The following STRN variants were observed in gnomAD, a reference collection of about 807,000 sequenced individuals.
The protein encoded by STRN is striatin, also known as protein phosphatase 2 regulatory subunit B'''alpha.
STRN carries 53 observed loss-of-function variants against 96.3 expected under a neutral mutation model. The ratio of observed to expected loss-of-function variants is 0.55; its 90% CI spans 0.44 to 0.69. The LOEUF is 0.69. Among genes scored for constraint, STRN ranks in the 30% least tolerant of loss-of-function variants. The pLI is 0.00. For synonymous variants in STRN, 428 were observed against 355.9 expected (o/e 1.20, Z -2.28); for missense variants, 987 against 963.9 (o/e 1.02, Z -0.32).
intron 9 of STRN, among the ~76,000 whole-genome samples, chr2:36,878,728 ATT>A (rs947421034): frequency 6.6e-6 from 1 of 151,270 alleles, no homozygotes; most frequent in Non-Finnish European, 1.5e-5. Context: ...TTCATCTAAA[ATT>A]TTTTTTTATT....
chr2:36,892,621 A>C (rs1669429723), intron 7 of STRN, among the ~76,000 whole-genome samples: 1 of 152,202 alleles, frequency 6.6e-6, no homozygotes, highest in South Asian at 2.1e-4. Flanking sequence ...ATAATTTTAA[A>C]ATTCATATGG....
intron 1 of STRN, among the ~76,000 whole-genome samples, chr2:36,962,113 C>G (rs1301035856): frequency 6.6e-6 from 1 of 152,146 alleles, no homozygotes; most frequent in African/African-American, 2.4e-5. Flanking sequence ...AGGGCAAGAT[C>G]TGTATTTTTG....
intron 6 of STRN, among the ~76,000 whole-genome samples, chr2:36,898,766 T>C (rs1265969936): frequency 6.6e-6 from 1 of 152,180 alleles, no homozygotes; most frequent in African/African-American, 2.4e-5. Context: ...TTTCCTCCTC[T>C]CTATTCATAA....
intron 12 of STRN, among the ~76,000 whole-genome samples, chr2:36,865,538 T>C (rs1002606803): frequency 6.6e-6 from 1 of 152,072 alleles, no homozygotes; most frequent in South Asian, 2.1e-4. Flanking sequence ...TTTTCTCTTG[T>C]GTGTGATGTT....
chr2:36,930,899 G>A (rs1670556812), intron 1 of STRN, among the ~76,000 whole-genome samples: 1 of 151,922 alleles, frequency 6.6e-6, no homozygotes, highest in Admixed American at 6.6e-5. Context: ...AGCCAGGTGT[G>A]GTGGCAAGCG....
Position 36,881,750 on chromosome 2 carries a change from G to A in STRN, c.1186+2182C>T, listed in dbSNP as rs114573677. 7.4e-3 allele frequency among the ~76,000 whole-genome samples: 1,126 copies of A among 152,270 alleles called. 15 individuals are homozygous for A. Among genetic ancestry groups the A allele is most frequent in the African/African-American group, 0.026 (1,077 of 41,542 alleles). ...TTGTACATCTGTCATTTAGTAAATA[G>A]TATATATCCTACCTCTATTATTAGA... On this transcript the variant is annotated intron_variant, in intron 9 of 17. Coordinates refer to ENST00000263918, the MANE Select transcript of STRN (RefSeq NM_003162.4).
At chr2:36,850,510 G>A (rs1459330666) in intron 16 of STRN, among the ~76,000 whole-genome samples, 3 of 152,014 alleles carry the variant, frequency 2.0e-5, no homozygotes, top group African/African-American at 2.4e-5. Context: ...ATGGAAAAAC[G>A]AATACAATGA....
At chr2:36,925,251 A>T in intron 1 of STRN, 43 bp from the exon 2 acceptor site, 1 of 1,513,136 alleles carries the variant, frequency 6.6e-7, no homozygotes, top group Non-Finnish European at 9.0e-7. Flanking sequence ...TAGACCAAAA[A>T]AAAAAGTTTT....
intron 11 of STRN, among the ~76,000 whole-genome samples, chr2:36,868,617 C>G (rs1668687269): frequency 6.6e-6 from 1 of 152,182 alleles, no homozygotes; most frequent in African/African-American, 2.4e-5. Context: ...CTGAAAACAC[C>G]TAATCTATGT....
At chr2:36,856,596 G>C (rs1668347027) in intron 14 of STRN, among the ~76,000 whole-genome samples, 1 of 152,128 alleles carries the variant, frequency 6.6e-6, no homozygotes, top group African/African-American at 2.4e-5. Flanking sequence ...TATGATGAAA[G>C]AAATCACAAC....
intron 9 of STRN, among the ~76,000 whole-genome samples, chr2:36,881,118 CTTTTTTTTTTT>C (rs3081783): frequency 1.3e-5 from 1 of 78,996 alleles, no homozygotes; most frequent in African/African-American, 4.5e-5. Flanking sequence ...ACACTGCCTT[CTTTTTTTTTTT>C]TTTTTTTTTT....
intron 2 of STRN, among the ~76,000 whole-genome samples, chr2:36,924,281 G>A (rs1217112489): frequency 6.6e-5 from 10 of 151,204 alleles, no homozygotes; most frequent in South Asian, 2.1e-4. Context: ...GTGTGAACCC[G>A]GGAGGTGGAG....
At chr2:36,906,670 A>C (rs1558647369) in intron 3 of STRN, among the ~76,000 whole-genome samples, 1 of 151,996 alleles carries the variant, frequency 6.6e-6, no homozygotes, top group Admixed American at 6.6e-5. Flanking sequence ...TCACACCTGT[A>C]ATCCCAGCAC....
chr2:36,966,250 C>T lies in STRN; in HGVS notation c.214G>A (p.Val72Met). 2 of 1,580,308 alleles carry T rather than the reference C, an allele frequency of 1.3e-6. No individual in the cohort carries two copies. Among genetic ancestry groups the T allele is most frequent in the Non-Finnish European group, 8.6e-7 (1 of 1,165,380 alleles). The change falls in exon 1 of 18, where the codon GTG (valine) becomes ATG (methionine). Residue 72 changes from valine (V) to methionine (M), a missense_variant. Physicochemically the swap from Val to Met is conservative, Grantham distance 21. Coordinates refer to ENST00000263918, the MANE Select transcript of STRN (RefSeq NM_003162.4). The part of the protein sequence containing the change: ...RFEVERAQWE[V>M]ERAELQAQIA... ...TTTACCTGCAGCTCCGCCCGCTCCA[C>T]CTCCCACTGGGCTCTCTCCACCTCG... is the stretch of plus-strand genomic sequence containing the variant.
chr2:36,861,030 A>G, intron 13 of STRN, 102 bp downstream of exon 13: 1 of 1,390,344 alleles, frequency 7.2e-7, no homozygotes, highest in Non-Finnish European at 9.7e-7. Flanking sequence ...CTCTTTACCT[A>G]TTTATTTTCA....
At chr2:36,877,721 A>G (rs929096628) in intron 10 of STRN, among the ~76,000 whole-genome samples, 170 bp downstream of exon 10, 5 of 152,132 alleles carry the variant, frequency 3.3e-5, no homozygotes, top group Non-Finnish European at 4.4e-5. Context: ...ATTTTCTGTG[A>G]GACAGCGTTT....
Position 36,849,404 on chromosome 2 carries a change from G to A in STRN, c.*52C>T. On this transcript the variant is annotated 3_prime_UTR_variant, in exon 18 of 18. Transcript: ENST00000263918. ...CTTGCCCTCGTCTTCTGTATCTCTT[G>A]TGTGCAGTTGATTACTTATAAACAG... 1 of 1,591,588 alleles carries A rather than the reference G, an allele frequency of 6.3e-7. No homozygotes were observed.
intron 3 of STRN, among the ~76,000 whole-genome samples, chr2:36,910,168 T>C (rs903869160): frequency 4.4e-5 from 6 of 134,886 alleles, no homozygotes; most frequent in South Asian, 4.8e-4. Flanking sequence ...AGCGAGACTT[T>C]GTCTCAAAAA....
intron 1 of STRN, among the ~76,000 whole-genome samples, chr2:36,928,488 C>T (rs1670477112): frequency 1.3e-5 from 2 of 150,352 alleles, no homozygotes; most frequent in African/African-American, 4.9e-5. Context: ...CCTGTCTCCA[C>T]TAAACATACA....
Sources: allele counts gnomAD v4.1 joint callset (sites outside exome capture counted in the v4.1 genomes callset), GRCh38; gene constraint gnomAD v4.1.1; transcripts MANE v1.5; gene names NCBI Gene and HGNC (gene_info 2026-07-23, HGNC 2026-07-21).